The following CSF1R variants were observed in gnomAD, a reference collection of about 807,000 sequenced individuals.
CSF1R encodes colony stimulating factor 1 receptor, also known as macrophage colony-stimulating factor 1 receptor.
Under a neutral mutation model 110.0 loss-of-function variants are expected in CSF1R, and 40 were observed. That is an observed-to-expected ratio of 0.36 (90% CI 0.28 to 0.47). The LOEUF is 0.47. Ranked by LOEUF, CSF1R falls within the 20% of genes least tolerant of loss-of-function variation. The pLI, the probability that CSF1R is intolerant of heterozygous loss-of-function variation, is 0.99. For missense variants in CSF1R, 1,052 were observed against 1,253.0 expected, an observed-to-expected ratio of 0.84 and a Z score of 2.42; for synonymous variants, 523 against 503.4, an observed-to-expected ratio of 1.04 and a Z score of -0.52.
chr5:150,071,892 G>C (rs189330518), intron 6 of CSF1R, among the ~76,000 whole-genome samples: 2 of 152,220 alleles, frequency 1.3e-5, no homozygotes, highest in Non-Finnish European at 2.9e-5. Context: ...AAACATCCTT[G>C]TTGCTTCTGA....
At chr5:150,067,394 G>A (rs1379498054) in intron 10 of CSF1R, among the ~76,000 whole-genome samples, 1 of 152,180 alleles carries the variant, frequency 6.6e-6, no homozygotes, top group Non-Finnish European at 1.5e-5. Flanking sequence ...CTGTAGACAA[G>A]GGCAACTGTC....
intron 1 of CSF1R, among the ~76,000 whole-genome samples, chr5:150,110,040 C>G (rs1379132335): frequency 6.8e-6 from 1 of 147,152 alleles, no homozygotes; most frequent in Non-Finnish European, 1.5e-5. Flanking sequence ...TTTCAGTAAA[C>G]AACTTTCCCA....
chr5:150,082,292 C>G (rs1758586191), intron 1 of CSF1R, among the ~76,000 whole-genome samples: 1 of 152,050 alleles, frequency 6.6e-6, no homozygotes, highest in Admixed American at 6.5e-5. Flanking sequence ...CTCTGCAAAC[C>G]CCCTTGAAAT....
intron 1 of CSF1R, among the ~76,000 whole-genome samples, chr5:150,082,127 G>T (rs1758577251): frequency 6.6e-6 from 1 of 152,212 alleles, no homozygotes; most frequent in South Asian, 2.1e-4. Context: ...AGTGCCACTT[G>T]CGGGGCAGCT....
intron 9 of CSF1R, among the ~76,000 whole-genome samples, chr5:150,068,590 G>T (rs1333985619): frequency 6.6e-6 from 1 of 152,176 alleles, no homozygotes; most frequent in African/African-American, 2.4e-5. Flanking sequence ...GGGGTAGGGA[G>T]CCTCTGGGGT....
In CSF1R at chr5:150,067,788, G is replaced by A. The variant is rs1055701785; in HGVS notation, c.1626+427C>T. ...GGCTGAGACAGGATCCCAGGGCTGC[G>A]CTGCCTCAGAATGCCATTCCTCTCC... is the stretch of plus-strand genomic sequence containing the variant. On this transcript the variant is annotated intron_variant, in intron 10 of 20. Transcript: ENST00000675795. Among the ~76,000 whole-genome samples, 51 of 152,144 alleles carry A rather than the reference G, an allele frequency of 3.4e-4. 3 individuals are homozygous for A. Among genetic ancestry groups the A allele is most frequent in the Non-Finnish European group, 5.9e-5 (4 of 68,024 alleles).
chr5:150,064,631 C>T (rs988681723), intron 10 of CSF1R, among the ~76,000 whole-genome samples: 1 of 152,190 alleles, frequency 6.6e-6, no homozygotes, highest in Admixed American at 6.5e-5. Context: ...TCTCTAGGAG[C>T]CTCTGTGGCT....
intron 5 of CSF1R, among the ~76,000 whole-genome samples, chr5:150,074,314 T>TTG (rs888122601): frequency 8.0e-5 from 12 of 150,430 alleles, no homozygotes; most frequent in Non-Finnish European, 1.0e-4. Flanking sequence ...AGTTTTTTTT[T>TTG]TTTTTTTTTT....
chr5:150,061,475 C>G lies in CSF1R; in HGVS notation c.1858+16G>C. 7 of 1,475,548 alleles carry G rather than the reference C, an allele frequency of 4.7e-6. No homozygotes were observed. The highest frequency in any genetic ancestry group is 6.5e-6 in the Non-Finnish European group (7 of 1,072,630). The allele number at this position is 1,475,548 out of a possible 1,614,324, so 91.4% of individuals were successfully genotyped here. A position where few individuals can be genotyped will look rare whatever the true frequency, so the allele number is the denominator to read the frequency against. On this transcript the variant is annotated intron_variant, in intron 12 of 20. Transcript: ENST00000675795. ...ACCACCCCCCATCCCTTCCCTCATCCCCTCCCCTCACTCACACTTCAGCAT... is the reference window on the plus strand; with the variant it reads ...ACCACCCCCCATCCCTTCCCTCATCGCCTCCCCTCACTCACACTTCAGCAT...
chr5:150,058,059 A>T (rs1221241092), intron 14 of CSF1R: 2 of 369,480 alleles, frequency 5.4e-6, no homozygotes, highest in African/African-American at 4.2e-5. Flanking sequence ...CAGAAACTCT[A>T]GGGACAAAAC....
At chr5:150,112,771 T>G (rs1291267515) in intron 1 of CSF1R, among the ~76,000 whole-genome samples, 1 of 152,180 alleles carries the variant, frequency 6.6e-6, no homozygotes, top group Non-Finnish European at 1.5e-5. Flanking sequence ...GCCCCTGAGT[T>G]GGCGGCTGGG....
chr5:150,082,254 T>C (rs1029772695), intron 1 of CSF1R, among the ~76,000 whole-genome samples: 1 of 152,250 alleles, frequency 6.6e-6, no homozygotes, highest in Non-Finnish European at 1.5e-5. Flanking sequence ...CCGAGGGCTT[T>C]CGGTGAATTC....
chr5:150,064,864 G>T (rs531900019), intron 10 of CSF1R, among the ~76,000 whole-genome samples: 1 of 152,172 alleles, frequency 6.6e-6, no homozygotes, highest in Non-Finnish European at 1.5e-5. Context: ...CCCTGCCCCT[G>T]CTGGGCATGT....
intron 1 of CSF1R, among the ~76,000 whole-genome samples, chr5:150,109,868 G>T (rs1759666343): frequency 6.6e-6 from 1 of 152,090 alleles, no homozygotes; most frequent in Non-Finnish European, 1.5e-5. Context: ...CTAAAAAATG[G>T]GAAATAGTCC....
Position 150,053,344 on chromosome 5 carries a change from C to CTGTT in CSF1R, c.*721_*724dup, listed in dbSNP as rs757045465. ...TGGACAGAGACATCCCACGGCGTGA[C>CTGTT]TGTTAGTTAGGATGAGTCAGCTTGG... On this transcript the variant is annotated 3_prime_UTR_variant, in exon 21 of 21. Coordinates refer to ENST00000675795, the MANE Select transcript of CSF1R (RefSeq NM_001288705.3). 63 of 233,768 alleles carry CTGTT rather than the reference C, an allele frequency of 2.7e-4. No individual in the cohort carries two copies. Among genetic ancestry groups the CTGTT allele is most frequent in the East Asian group, 4.8e-4 (8 of 16,584 alleles). 14.5% of individuals were successfully genotyped at this position (233,768 alleles called of 1,614,324 possible).
At chr5:150,063,445 C>T (rs1757624635) in intron 10 of CSF1R, among the ~76,000 whole-genome samples, 1 of 152,062 alleles carries the variant, frequency 6.6e-6, no homozygotes, top group Non-Finnish European at 1.5e-5. Context: ...CTCCTGGGCT[C>T]AAGCAATCCT....
At chr5:150,067,539 A>G (rs78559140) in intron 10 of CSF1R, among the ~76,000 whole-genome samples, 44 of 150,658 alleles carry the variant, frequency 2.9e-4, no homozygotes, top group African/African-American at 9.8e-4. Context: ...TCACTGTCAT[A>G]TACTGAGCAG....
chr5:150,080,166 G>T lies in CSF1R; in HGVS notation c.478C>A (p.His160Asn), dbSNP rs770810316. ...RHTNYSFSPW[H>N]GFTIHRAKFI... ...TTGGCCCTGTGGATGGTGAAGCCATGCCAGGGCGAGAAGGAGTAGTTGGTG... is the reference window on the plus strand; with the variant it reads ...TTGGCCCTGTGGATGGTGAAGCCATTCCAGGGCGAGAAGGAGTAGTTGGTG... Residue 160 changes from histidine (H) to asparagine (N), a missense_variant, in exon 3 of 21, where the codon CAT becomes AAT. Physicochemically the swap from His to Asn is moderately conservative, Grantham distance 68 (BLOSUM62 1). Coordinates refer to ENST00000675795, the MANE Select transcript of CSF1R (RefSeq NM_001288705.3). 6.2e-7 allele frequency: 1 copy of T among 1,613,950 alleles called. No homozygotes were observed. The highest frequency in any genetic ancestry group is 8.5e-7 in the Non-Finnish European group (1 of 1,180,046).
chr5:150,107,807 G>T (rs550627413), intron 1 of CSF1R, among the ~76,000 whole-genome samples: 1 of 152,350 alleles, frequency 6.6e-6, no homozygotes, highest in South Asian at 2.1e-4. Flanking sequence ...AATGGGGAAG[G>T]GGCTATTGAC....
Sources: allele counts gnomAD v4.1 joint callset (sites outside exome capture counted in the v4.1 genomes callset), GRCh38; gene constraint gnomAD v4.1.1; transcripts MANE v1.5; gene names NCBI Gene and HGNC (gene_info 2026-07-23, HGNC 2026-07-21).